TMTC2: variants seen among roughly 807,000 people sequenced by gnomAD.
TMTC2 encodes protein O-mannosyl-transferase TMTC2.
Under a neutral mutation model 82.4 loss-of-function variants are expected in TMTC2, and 43 were observed. The ratio of observed to expected loss-of-function variants is 0.52; its 90% CI spans 0.41 to 0.67. The LOEUF is 0.67. Among genes scored for constraint, TMTC2 ranks in the 30% least tolerant of loss-of-function variants. The pLI, the probability that TMTC2 is intolerant of heterozygous loss-of-function variation, is 0.00. For synonymous variants in TMTC2, 408 were observed against 381.9 expected, an observed-to-expected ratio of 1.07 and a Z score of -0.80; for missense variants, 919 against 1,012.4, an observed-to-expected ratio of 0.91 and a Z score of 1.25.
intron 7 of TMTC2, among the ~76,000 whole-genome samples, chr12:82,982,534 A>G (rs1878969262): frequency 2.0e-5 from 3 of 151,614 alleles, no homozygotes; most frequent in Non-Finnish European, 4.4e-5. Flanking sequence ...ACTAAAGTAC[A>G]TATTCTAGAC....
rs1403663445 is a variant in TMTC2, at chr12:82,898,782, A to G, written c.1483+2136A>G. Among the ~76,000 whole-genome samples, 3 of 152,214 alleles carry G rather than the reference A, an allele frequency of 2.0e-5. No homozygotes were observed. The East Asian group carries it at 5.8e-4, about 29-fold the overall frequency. On this transcript the variant is annotated intron_variant, in intron 3 of 11. Coordinates refer to ENST00000321196, the MANE Select transcript of TMTC2 (RefSeq NM_152588.3). Reference sequence around the variant, plus strand: ...CATGCTTGTTCACAGACCACTGGGCACACCTACCTAAAAGGAAGGCTGGGA... The same window carrying G: ...CATGCTTGTTCACAGACCACTGGGCGCACCTACCTAAAAGGAAGGCTGGGA...
chr12:83,106,670 A>T (rs578126993), intron 11 of TMTC2, among the ~76,000 whole-genome samples: 1 of 152,364 alleles, frequency 6.6e-6, no homozygotes, highest in East Asian at 1.9e-4. Context: ...AAACTTGCCT[A>T]TGAAGACATG....
intron 8 of TMTC2, among the ~76,000 whole-genome samples, chr12:83,020,917 C>T (rs896072033): frequency 6.6e-6 from 1 of 152,074 alleles, no homozygotes; most frequent in Non-Finnish European, 1.5e-5. Flanking sequence ...ACCTTAAAAT[C>T]TATCTTTTTT....
chr12:82,908,061 G>A lies in TMTC2; in HGVS notation c.1483+11415G>A, dbSNP rs544131497. Among the ~76,000 whole-genome samples, 64 of 152,202 alleles carry A rather than the reference G, an allele frequency of 4.2e-4. 1 individual carries two copies. The highest frequency in any genetic ancestry group is 1.5e-3 in the African/African-American group (61 of 41,522). ...CAGGGGGCGGAGGTTGCAGTGAGCC[G>A]AGACTGTACCGAGGGCAACAGAGCG... On this transcript the variant is annotated intron_variant, in intron 3 of 11. Transcript: ENST00000321196.
intron 2 of TMTC2, among the ~76,000 whole-genome samples, chr12:82,885,830 T>G (rs184902877): frequency 5.3e-5 from 8 of 152,330 alleles, no homozygotes; most frequent in Non-Finnish European, 1.2e-4. Context: ...TAAAGTTACT[T>G]TCTCCCCACA....
chr12:83,053,416 A>G (rs569374184), intron 10 of TMTC2, among the ~76,000 whole-genome samples: 1 of 152,230 alleles, frequency 6.6e-6, no homozygotes, highest in African/African-American at 2.4e-5. Flanking sequence ...AGGGAAAGTT[A>G]TAGTTCAAGA....
chr12:82,744,378 G>A (rs1419680065), intron 1 of TMTC2, among the ~76,000 whole-genome samples: 1 of 152,096 alleles, frequency 6.6e-6, no homozygotes, highest in African/African-American at 2.4e-5. Context: ...AGCCAAGATT[G>A]TGCCACTGCA....
intron 7 of TMTC2, among the ~76,000 whole-genome samples, chr12:82,967,915 T>G (rs1220271767): frequency 2.0e-5 from 3 of 152,104 alleles, no homozygotes; most frequent in African/African-American, 7.2e-5. Context: ...TATTGTACAC[T>G]TCTACATTCT....
At position 82,857,131 on chromosome 12, in the gene TMTC2, T is replaced by G; in HGVS notation, c.205T>G (p.Cys69Gly). Residue 69 changes from cysteine (C) to glycine (G), a missense_variant, in exon 2 of 12, where the codon TGC becomes GGC. Coordinates refer to ENST00000321196, the MANE Select transcript of TMTC2 (RefSeq NM_152588.3). ...SGSHKSYRPLCTLSFRLNHAI... is the reference protein window; with the variant it reads ...SGSHKSYRPLGTLSFRLNHAI... ...CAGCCACAAGTCCTACCGGCCACTCTGCACTCTTTCTTTTCGCCTGAACCA... is the reference window on the plus strand; with the variant it reads ...CAGCCACAAGTCCTACCGGCCACTCGGCACTCTTTCTTTTCGCCTGAACCA... The G allele has an allele frequency of 6.2e-7, 1 of 1,614,184 alleles. No homozygotes were observed. Among genetic ancestry groups the G allele is most frequent in the South Asian group, 1.1e-5 (1 of 91,084 alleles).
chr12:82,808,097 C>T (rs1879325547), intron 1 of TMTC2, among the ~76,000 whole-genome samples: 2 of 151,748 alleles, frequency 1.3e-5, no homozygotes, highest in South Asian at 4.2e-4. Flanking sequence ...CTTAAAAAAA[C>T]TGTTTAAAAA....
At chr12:83,125,641 T>C (rs1885078768) in intron 11 of TMTC2, among the ~76,000 whole-genome samples, 1 of 152,206 alleles carries the variant, frequency 6.6e-6, no homozygotes, top group African/African-American at 2.4e-5. Flanking sequence ...CATTATACTT[T>C]TACCAGTTGA....
At chr12:82,952,294 C>T (rs958339775) in intron 4 of TMTC2, among the ~76,000 whole-genome samples, 3 of 152,034 alleles carry the variant, frequency 2.0e-5, no homozygotes, top group Non-Finnish European at 4.4e-5. Flanking sequence ...TTAAGAGTTC[C>T]AATTTCATAC....
At chr12:82,749,522 G>A in intron 1 of TMTC2, among the ~76,000 whole-genome samples, 1 of 151,948 alleles carries the variant, frequency 6.6e-6, no homozygotes, top group Middle Eastern at 3.4e-3. Flanking sequence ...TATAAAAGCT[G>A]TACTGTGATT....
intron 4 of TMTC2, among the ~76,000 whole-genome samples, chr12:82,936,859 C>T (rs1276911665): frequency 3.9e-5 from 6 of 152,054 alleles, no homozygotes; most frequent in African/African-American, 1.4e-4. Context: ...TTGTATCCCC[C>T]ATCCCTAGAG....
At chr12:83,002,746 G>A (rs550990501) in intron 8 of TMTC2, among the ~76,000 whole-genome samples, 19 of 150,882 alleles carry the variant, frequency 1.3e-4, no homozygotes, top group African/African-American at 3.9e-4. Context: ...TATTTTTATT[G>A]CACTGTGGTC....
rs569627636 is a variant in TMTC2 at position 83,108,263 on chromosome 12, T to G, written c.2332-23947T>G. 7.9e-5 allele frequency among the ~76,000 whole-genome samples: 12 copies of G among 152,230 alleles called. No individual in the cohort carries two copies. In the South Asian group the frequency reaches 2.3e-3, roughly 29 times the overall value. The stretch of plus-strand genomic sequence containing the variant: ...AATTACATAGTTCCTTTAATTTACT[T>G]GATTTATATATTAATTTTTTATTTA... On this transcript the variant is annotated intron_variant, in intron 11 of 11. Transcript: ENST00000321196.
chr12:82,878,437 ATTG>A, intron 2 of TMTC2, among the ~76,000 whole-genome samples: 1 of 152,344 alleles, frequency 6.6e-6, no homozygotes, highest in East Asian at 1.9e-4. Context: ...GAGAAACTGA[ATTG>A]TTGTTGCAAG....
At chr12:82,964,166 A>G (rs929623522) in intron 4 of TMTC2, among the ~76,000 whole-genome samples, 15 of 151,834 alleles carry the variant, frequency 9.9e-5, no homozygotes, top group African/African-American at 2.4e-4. Flanking sequence ...TGTCTGTAAG[A>G]TACTTAACTG....
intron 1 of TMTC2, among the ~76,000 whole-genome samples, chr12:82,772,560 G>A (rs965857511): frequency 3.9e-5 from 6 of 152,290 alleles, no homozygotes; most frequent in African/African-American, 1.2e-4. Context: ...ATTGCAGAAA[G>A]TTCTCCTGAA....
Sources: gnomAD v4.1 joint callset for allele counts (sites outside exome capture counted in the v4.1 genomes callset) on GRCh38, gnomAD v4.1.1 for gene constraint, MANE v1.5 for transcripts, NCBI Gene and HGNC (gene_info 2026-07-23, HGNC 2026-07-21) for gene names.